Variants in CASD1 observed in about 807,000 individuals in gnomAD.
The protein encoded by CASD1 is N-acetylneuraminate (7)9-O-acetyltransferase.
A neutral mutation model predicts 100.0 loss-of-function variants in CASD1; 41 were observed. The ratio of observed to expected loss-of-function variants is 0.41; its 90% CI spans 0.32 to 0.53. The LOEUF (loss-of-function observed/expected upper bound fraction) is 0.53, where lower values mean the gene tolerates loss of function less well. CASD1 is among the 20% of genes least tolerant of loss of function. CASD1 has a pLI of 0.25. For missense variants in CASD1, 774 were observed against 948.7 expected, an observed-to-expected ratio of 0.82 and a Z score of 2.42; for synonymous variants, 321 against 315.6, an observed-to-expected ratio of 1.02 and a Z score of -0.18.
chr7:94,632,851 C>T, the CASD1 span, among the ~76,000 whole-genome samples: 13 of 152,112 alleles, frequency 8.5e-5, no homozygotes, highest in African/African-American at 3.1e-4. Context: ...TTGTTCTAAA[C>T]GTGAGCTATA....
chr7:94,534,007 A>T (rs897522738), intron 7 of CASD1, among the ~76,000 whole-genome samples: 5 of 152,156 alleles, frequency 3.3e-5, no homozygotes, highest in African/African-American at 1.2e-4. Flanking sequence ...AAAAATAAAA[A>T]ATATCCTCCA....
chr7:94,613,013 A>G, the CASD1 span, among the ~76,000 whole-genome samples: 1 of 152,218 alleles, frequency 6.6e-6, no homozygotes, highest in East Asian at 1.9e-4. Context: ...ACAGGGAGTG[A>G]AGGAACAGCC....
chr7:94,601,009 A>C, the CASD1 span: 7 of 698,038 alleles, frequency 1.0e-5, no homozygotes, highest in African/African-American at 1.2e-4. Flanking sequence ...GCAAGTATTT[A>C]TTGGAGGTAG....
chr7:94,533,055 A>G lies in CASD1; in HGVS notation c.460-150A>G, dbSNP rs534463450. 16 of 479,494 alleles carry G rather than the reference A, an allele frequency of 3.3e-5. No individual in the cohort carries two copies. The South Asian group carries it at 5.2e-4, about 16-fold the overall frequency. 29.7% of individuals were successfully genotyped at this position (479,494 alleles called of 1,614,324 possible). On this transcript the variant is annotated intron_variant, in intron 5 of 17. Transcript: ENST00000297273. ...ATCCTAAATCTGTCTTGTTATAACA[A>G]TAATAAGCAATAATAATAAGGAATT... is the stretch of plus-strand genomic sequence containing the variant.
intron 9 of CASD1, among the ~76,000 whole-genome samples, 167 bp downstream of exon 9, chr7:94,538,061 T>C (rs544271021): frequency 6.0e-4 from 91 of 152,230 alleles, no homozygotes; most frequent in African/African-American, 2.1e-3. Context: ...TAACTGTTCC[T>C]TTTTCGGAAC....
chr7:94,567,044 A>G, the CASD1 span, among the ~76,000 whole-genome samples: 3 of 152,020 alleles, frequency 2.0e-5, no homozygotes, highest in African/African-American at 7.2e-5. Flanking sequence ...CCAGATATTT[A>G]CCAGAGGTGT....
At chr7:94,589,071 G>A in the CASD1 span, 2 of 341,556 alleles carry the variant, frequency 5.9e-6, no homozygotes, top group Admixed American at 7.9e-5. Flanking sequence ...GACATGGTAG[G>A]TAAAGATGTG....
chr7:94,534,257 C>A (rs939244864), intron 7 of CASD1, among the ~76,000 whole-genome samples: 2 of 150,172 alleles, frequency 1.3e-5, no homozygotes, highest in Non-Finnish European at 3.0e-5. Flanking sequence ...ACCTCCGCCT[C>A]CCAGGCTCAA....
chr7:94,548,426 A>G (rs868110304), intron 13 of CASD1, among the ~76,000 whole-genome samples: 15 of 151,748 alleles, frequency 9.9e-5, no homozygotes, highest in Admixed American at 4.6e-4. Context: ...GAATATCTAT[A>G]TTCATGCTGA....
At chr7:94,587,164 T>C in the CASD1 span, 6 of 984,862 alleles carry the variant, frequency 6.1e-6, no homozygotes, top group Non-Finnish European at 7.2e-6. Context: ...GGCTCTTATA[T>C]TTGTTTAGGC....
chr7:94,549,747 G>T, intron 14 of CASD1, 113 bp downstream of exon 14: 1 of 762,206 alleles, frequency 1.3e-6, no homozygotes. Context: ...TGTTGATTTA[G>T]TAAATCAAAG....
At chr7:94,603,583 TC>T in the CASD1 span, 1 of 794,570 alleles carries the variant, frequency 1.3e-6, no homozygotes, top group Non-Finnish European at 2.1e-6. Flanking sequence ...GGTAGGGGCC[TC>T]GGCTCTAAAA....
chr7:94,602,698 A>G, the CASD1 span, among the ~76,000 whole-genome samples: 3 of 152,162 alleles, frequency 2.0e-5, no homozygotes, highest in Non-Finnish European at 2.9e-5. Context: ...AATATTACAC[A>G]TATCTTACAT....
chr7:94,585,587 A>G, the CASD1 span: 14 of 949,070 alleles, frequency 1.5e-5, no homozygotes, highest in Non-Finnish European at 2.4e-5. Context: ...TGAGCAAAGC[A>G]AATTATGGCA....
chr7:94,516,492 C>T (rs1793983465), intron 1 of CASD1, among the ~76,000 whole-genome samples: 1 of 152,146 alleles, frequency 6.6e-6, no homozygotes, highest in African/African-American at 2.4e-5. Context: ...TTCTTCCTCC[C>T]AGACTCCTTA....
intron 10 of CASD1, among the ~76,000 whole-genome samples, chr7:94,541,492 G>T (rs1417298174): frequency 7.3e-6 from 1 of 136,774 alleles, no homozygotes; most frequent in Non-Finnish European, 1.6e-5. Context: ...AATACAAAGA[G>T]AATAGTAAGT....
chr7:94,521,086 G>C (rs1278583428), intron 3 of CASD1, among the ~76,000 whole-genome samples: 1 of 151,808 alleles, frequency 6.6e-6, no homozygotes, highest in Non-Finnish European at 1.5e-5. Flanking sequence ...GTGAGACTCT[G>C]TCTCAAAAAG....
chr7:94,543,721 T>C (rs1246751260), intron 10 of CASD1, among the ~76,000 whole-genome samples: 2 of 151,844 alleles, frequency 1.3e-5, no homozygotes, highest in Non-Finnish European at 2.9e-5. Context: ...AAGGATCAGC[T>C]GGTGTAGAAA....
chr7:94,570,303 G>A, the CASD1 span, among the ~76,000 whole-genome samples: 1 of 151,612 alleles, frequency 6.6e-6, no homozygotes, highest in Admixed American at 6.6e-5. Flanking sequence ...TTCTTTTTGT[G>A]TACCTTCTAT....
Sources: gnomAD v4.1 joint callset for allele counts (sites outside exome capture counted in the v4.1 genomes callset) on GRCh38, gnomAD v4.1.1 for gene constraint, MANE v1.5 for transcripts, NCBI Gene and HGNC (gene_info 2026-07-23, HGNC 2026-07-21) for gene names.